The following FOCAD variants were observed in gnomAD, a reference collection of about 807,000 sequenced individuals.
FOCAD encodes focadhesin, also known as KIAA1797.
In FOCAD, 198 loss-of-function variants were observed where a neutral mutation model predicts 225.6. That is an observed-to-expected ratio of 0.88 (90% CI 0.78 to 0.99). The LOEUF (loss-of-function observed/expected upper bound fraction) is 0.99. Among genes scored for constraint, FOCAD ranks in the 50% least tolerant of loss-of-function variants. The probability of loss-of-function intolerance (pLI) is 0.00; values close to 1 mark genes in which losing one functional copy is unlikely to be tolerated. For missense variants in FOCAD, 2,713 were observed against 2,123.6 expected (o/e 1.28, Z -5.46); for synonymous variants, 897 against 755.0 (o/e 1.19, Z -3.08).
chr9:20,712,618 C>G (rs1836390051), intron 1 of FOCAD, among the ~76,000 whole-genome samples: 1 of 151,600 alleles, frequency 6.6e-6, no homozygotes, highest in South Asian at 2.1e-4. Context: ...TGAGATCGCA[C>G]CACTGCACTC....
intron 4 of FOCAD, among the ~76,000 whole-genome samples, chr9:20,725,209 G>T (rs141295580): frequency 0.01 from 1,596 of 152,238 alleles, 9 homozygotes; most frequent in Middle Eastern, 0.024. Flanking sequence ...AAAATGCAGG[G>T]AATGACTTTG....
At chr9:20,744,456 T>G (rs1329090875) in intron 5 of FOCAD, among the ~76,000 whole-genome samples, 1 of 152,220 alleles carries the variant, frequency 6.6e-6, no homozygotes, top group Non-Finnish European at 1.5e-5. Flanking sequence ...GATATTTAAA[T>G]AAGGCTGCAA....
intron 11 of FOCAD, among the ~76,000 whole-genome samples, chr9:20,799,783 G>A (rs546066519): frequency 3.2e-4 from 49 of 152,150 alleles, no homozygotes; most frequent in African/African-American, 1.2e-3. Flanking sequence ...CACACTGATG[G>A]TTCTTGACTC....
intron 5 of FOCAD, among the ~76,000 whole-genome samples, chr9:20,750,721 C>A (rs1388727171): frequency 6.6e-6 from 1 of 152,164 alleles, no homozygotes; most frequent in Non-Finnish European, 1.5e-5. Flanking sequence ...CTGGACATAA[C>A]ACTTCCTTCT....
chr9:20,819,452 A>G (rs1824083163), intron 11 of FOCAD, among the ~76,000 whole-genome samples: 1 of 152,126 alleles, frequency 6.6e-6, no homozygotes, highest in South Asian at 2.1e-4. Context: ...GGACTGAAGC[A>G]ATCCTCCTGC....
intron 21 of FOCAD, among the ~76,000 whole-genome samples, chr9:20,890,011 C>G (rs570621800): frequency 3.9e-5 from 6 of 152,132 alleles, no homozygotes; most frequent in South Asian, 2.1e-4. Context: ...CTGTTTATTG[C>G]TAGTTTATAA....
At chr9:20,839,647 A>T (rs1312976283) in intron 15 of FOCAD, among the ~76,000 whole-genome samples, 1 of 145,462 alleles carries the variant, frequency 6.9e-6, no homozygotes, top group Non-Finnish European at 1.6e-5. Context: ...GCAATCACTT[A>T]ATTTTTTTTT....
At chr9:20,730,360 A>G (rs559129033) in intron 4 of FOCAD, among the ~76,000 whole-genome samples, 9 of 152,312 alleles carry the variant, frequency 5.9e-5, no homozygotes, top group South Asian at 2.1e-4. Context: ...TATAATTTAT[A>G]TAGGAAAGGC....
At chr9:20,774,702 C>G (rs1233621617) in intron 8 of FOCAD, among the ~76,000 whole-genome samples, 1 of 152,066 alleles carries the variant, frequency 6.6e-6, no homozygotes, top group Non-Finnish European at 1.5e-5. Context: ...ATAAGTGGCT[C>G]TTGAATCTAA....
At chr9:20,840,457 A>G (rs1826407653) in intron 15 of FOCAD, among the ~76,000 whole-genome samples, 1 of 146,560 alleles carries the variant, frequency 6.8e-6, no homozygotes, top group Admixed American at 6.9e-5. Context: ...ATTTTATTTT[A>G]TGTAGAGATC....
At chr9:20,862,550 G>T in intron 15 of FOCAD, 28 bp from the exon 16 acceptor site, 8 of 1,609,698 alleles carry the variant, frequency 5.0e-6, no homozygotes, top group Non-Finnish European at 5.9e-6. Flanking sequence ...GTCTTGTTAG[G>T]TGTTGACCTT....
intron 11 of FOCAD, among the ~76,000 whole-genome samples, chr9:20,806,893 G>A (rs564128111): frequency 6.6e-6 from 1 of 152,248 alleles, no homozygotes; most frequent in African/African-American, 2.4e-5. Flanking sequence ...ACGATAACAG[G>A]CATTCAAGAA....
Position 20,862,614 on chromosome 9 carries a change from C to T in FOCAD, c.1957C>T (p.Pro653Ser), listed in dbSNP as rs748932050. 16 of 1,613,452 alleles carry T rather than the reference C, an allele frequency of 9.9e-6. No individual in the cohort carries two copies. In the South Asian group the frequency reaches 1.8e-4, roughly 18 times the overall value. ...CIRSTWNALS[P>S]KLSCDTRPLI... is the part of the protein sequence containing the mutation. ...TCGCTCCACTTGGAATGCTCTCTCT[C>T]CAAAGCTGAGTTGTGACACAAGACC... Residue 653 changes from proline to serine, a missense_variant, in exon 16 of 44, where the codon CCA becomes TCA. Pro to Ser is a moderately conservative substitution (Grantham distance 74, BLOSUM62 -1). Transcript: ENST00000338382.
intron 2 of FOCAD, among the ~76,000 whole-genome samples, chr9:20,661,445 T>G (rs536186779): frequency 1.3e-5 from 2 of 151,032 alleles, no homozygotes; most frequent in African/African-American, 2.4e-5. Flanking sequence ...TTGTGAGGAG[T>G]GGGGAAAGGG....
chr9:20,756,645 G>C (rs1262715815), intron 5 of FOCAD, among the ~76,000 whole-genome samples: 4 of 152,146 alleles, frequency 2.6e-5, no homozygotes, highest in African/African-American at 9.7e-5. Flanking sequence ...CAGTGCATCA[G>C]AATTTCCTGC....
rs1822016482 is a variant in FOCAD at position 20,670,132 on chromosome 9, T to C, written c.-78+11306T>C. ...GAACTTAGCATTAACAACAATAATA[T>C]CTATAGTTACTGAACTCTTATTAGG... is the stretch of plus-strand genomic sequence containing the variant. On this transcript the variant is annotated intron_variant, in intron 2 of 45. Coordinates refer to the FOCAD transcript ENST00000380249. 1.3e-5 allele frequency among the ~76,000 whole-genome samples: 2 copies of C among 152,218 alleles called. 1 individual carries two copies. The highest frequency in any genetic ancestry group is 1.3e-4 in the Admixed American group (2 of 15,274).
chr9:20,692,388 T>C (rs567718228), intron 1 of FOCAD, among the ~76,000 whole-genome samples: 2 of 152,298 alleles, frequency 1.3e-5, no homozygotes, highest in South Asian at 4.1e-4. Context: ...TCCAAGTACT[T>C]GTCACTACCC....
intron 2 of FOCAD, among the ~76,000 whole-genome samples, chr9:20,670,885 G>A (rs970335439): frequency 2.0e-5 from 3 of 152,124 alleles, no homozygotes; most frequent in African/African-American, 2.4e-5. Flanking sequence ...TTTTTGGATT[G>A]TCTTTGGGCA....
In FOCAD at chr9:20,844,349, CT is replaced by C. The variant is rs58468376; in HGVS notation, c.1921-18203del. The stretch of plus-strand genomic sequence containing the variant: ...ATGGTTCTAACCCTCAGGAAATTTC[CT>C]TTTTTTTTTTTTTTTTTTTTTTTTT... On this transcript the variant is annotated intron_variant, in intron 15 of 43. Transcript: ENST00000338382. Among the ~76,000 whole-genome samples the C allele has an allele frequency of 1.9e-4, 15 of 77,248 alleles. No homozygotes were observed. The South Asian group carries it at 4.6e-3, about 24-fold the overall frequency. The allele number at this position is 77,248 out of a possible 152,430, so 50.7% of individuals were successfully genotyped here. A position where few individuals can be genotyped will look rare whatever the true frequency, so the allele number is the denominator to read the frequency against.
Sources: allele counts gnomAD v4.1 joint callset (sites outside exome capture counted in the v4.1 genomes callset), GRCh38; gene constraint gnomAD v4.1.1; transcripts MANE v1.5; gene names NCBI Gene and HGNC (gene_info 2026-07-23, HGNC 2026-07-21).